The following UBR2 variants were observed in gnomAD, a reference collection of about 807,000 sequenced individuals.
UBR2 encodes ubiquitin protein ligase E3 component n-recognin 2, also known as E3 ubiquitin-protein ligase UBR2.
UBR2 carries 92 observed loss-of-function variants against 247.9 expected under a neutral mutation model. The observed-to-expected ratio is 0.37, with a 90% CI of 0.31 to 0.44. The LOEUF is 0.44. UBR2 is among the 20% of genes least tolerant of loss of function. The probability of loss-of-function intolerance (pLI) is 1.00; values close to 1 mark genes in which losing one functional copy is unlikely to be tolerated. For synonymous variants in UBR2, 672 were observed against 693.5 expected (o/e 0.97, Z 0.49); for missense variants, 1,613 against 2,112.6 (o/e 0.76, Z 4.64).
chr6:42,676,790 T>G lies in UBR2; in HGVS notation c.4395T>G (p.Asn1465Lys). The part of the protein sequence containing the change: ...QILLTSCTEE[N>K]GMDQENPPCE... ...TATTTCCTTATCTTTCAGAAGAGAA[T>G]GGCATGGATCAAGAAAATCCCCCTT... Residue 1465 changes from asparagine (N) to lysine (K), a missense_variant, in exon 40 of 47, where the codon AAT (asparagine) becomes AAG (lysine). Asn to Lys is a moderately conservative substitution (Grantham distance 94, BLOSUM62 0). Around this residue, in one of 3 missense-constraint regions of UBR2, gnomAD observed 1,524 missense variants for 1,967.3 expected, o/e 0.77. Transcript: ENST00000372901. The G allele has an allele frequency of 9.9e-6, 16 of 1,613,652 alleles. No individual in the cohort carries two copies. The highest frequency in any genetic ancestry group is 1.4e-5 in the Non-Finnish European group (16 of 1,179,646).
chr6:42,608,735 T>C (rs1246523356), intron 7 of UBR2, among the ~76,000 whole-genome samples: 1 of 152,240 alleles, frequency 6.6e-6, no homozygotes, highest in Non-Finnish European at 1.5e-5. Context: ...TATCTTATTT[T>C]ATATTTGTTC....
chr6:42,631,719 T>C lies in UBR2; in HGVS notation c.1282-833T>C, dbSNP rs1425397306. Among the ~76,000 whole-genome samples, 4 of 151,018 alleles carry C rather than the reference T, an allele frequency of 2.6e-5. 1 individual carries two copies. Among genetic ancestry groups the C allele is most frequent in the Admixed American group, 2.6e-4 (4 of 15,160 alleles). ...ATATGGGACATTGTCCCATATCAAG[T>C]AAAAAAATGTACAAAACAATATAAT... is the stretch of plus-strand genomic sequence containing the variant. On this transcript the variant is annotated intron_variant, in intron 11 of 46. Coordinates refer to ENST00000372901, the MANE Select transcript of UBR2 (RefSeq NM_001363705.2).
At chr6:42,611,747 A>G (rs953382444) in intron 7 of UBR2, among the ~76,000 whole-genome samples, 6 of 151,642 alleles carry the variant, frequency 4.0e-5, no homozygotes, top group Non-Finnish European at 8.8e-5. Context: ...CTCTACTAAA[A>G]ATACAACAGT....
intron 38 of UBR2, 102 bp downstream of exon 38, chr6:42,674,295 T>G (rs1217581181): frequency 1.9e-6 from 2 of 1,039,062 alleles, no homozygotes; most frequent in Non-Finnish European, 2.8e-6. Context: ...GTTATGTGAT[T>G]TCCTTACCCC....
At chr6:42,611,259 G>A (rs1282685576) in intron 7 of UBR2, among the ~76,000 whole-genome samples, 4 of 150,670 alleles carry the variant, frequency 2.7e-5, no homozygotes, top group African/African-American at 9.7e-5. Context: ...TCAAGAGATC[G>A]AGACCATCCT....
intron 41 of UBR2, among the ~76,000 whole-genome samples, chr6:42,678,893 A>G (rs1798876816): frequency 6.6e-6 from 1 of 152,188 alleles, no homozygotes; most frequent in South Asian, 2.1e-4. Context: ...ATGTTTTTAC[A>G]CCTGCAAAGC....
chr6:42,685,183 C>T (rs569019565), intron 44 of UBR2, among the ~76,000 whole-genome samples: 98 of 151,924 alleles, frequency 6.5e-4, no homozygotes, highest in African/African-American at 2.3e-3. Context: ...TGGTGGCAGG[C>T]GCCTGTAATC....
At chr6:42,582,667 T>G (rs1256332505) in intron 2 of UBR2, among the ~76,000 whole-genome samples, 1 of 152,170 alleles carries the variant, frequency 6.6e-6, no homozygotes, top group African/African-American at 2.4e-5. Flanking sequence ...TAATACAGTA[T>G]GAAATATTTC....
rs766682348 is a variant in UBR2 at position 42,605,847 on chromosome 6, A to G, written c.789A>G (p.Thr263=). The change falls in exon 6 of 47, where the codon ACA becomes ACG. Residue 263 remains threonine (T), a synonymous_variant. Transcript: ENST00000372901. ...TQKEAIGFAT[T]VDRDGRRSVR... is the part of the protein sequence containing the mutation. ...AAGAAGCTATTGGTTTTGCAACTAC[A>G]GTAGATCGAGATGTAAGTAATTTTA... 1.9e-6 allele frequency: 3 copies of G among 1,607,774 alleles called. No homozygotes were observed. The highest frequency in any genetic ancestry group is 1.7e-4 in the Middle Eastern group (1 of 5,974).
At chr6:42,634,732 G>A (rs1406478985) in intron 13 of UBR2, among the ~76,000 whole-genome samples, 1 of 152,250 alleles carries the variant, frequency 6.6e-6, no homozygotes, top group Admixed American at 6.5e-5. Context: ...TGGGATTACA[G>A]GCGTGGGCCA....
chr6:42,662,155 G>T, intron 30 of UBR2, 29 bp from the exon 31 acceptor site: 1 of 1,345,536 alleles, frequency 7.4e-7, no homozygotes, highest in Non-Finnish European at 1.0e-6. Context: ...CTTCACTTTT[G>T]TTTTGTTTTG....
At chr6:42,592,811 C>T (rs1349727239) in intron 3 of UBR2, among the ~76,000 whole-genome samples, 1 of 152,140 alleles carries the variant, frequency 6.6e-6, no homozygotes, top group Non-Finnish European at 1.5e-5. Flanking sequence ...TTCAGGAGCC[C>T]ATCTGGGTCA....
intron 7 of UBR2, among the ~76,000 whole-genome samples, chr6:42,608,931 G>A (rs1793890351): frequency 6.6e-6 from 1 of 152,114 alleles, no homozygotes; most frequent in South Asian, 2.1e-4. Flanking sequence ...ACTTGTTTAA[G>A]AAATTCTTCC....
chr6:42,620,137 G>A (rs1179467112), intron 11 of UBR2: 9 of 578,568 alleles, frequency 1.6e-5, no homozygotes, highest in Admixed American at 6.3e-5. Flanking sequence ...TGTTAATAAC[G>A]TATGAAAGTG....
At chr6:42,675,674 A>G (rs971095397) in intron 38 of UBR2, among the ~76,000 whole-genome samples, 3 of 152,124 alleles carry the variant, frequency 2.0e-5, no homozygotes, top group Admixed American at 1.3e-4. Flanking sequence ...GAAAATGGAA[A>G]TGTGACCAGG....
At chr6:42,641,531 TTATG>T (rs1215070479) in intron 16 of UBR2, 47 bp from the exon 17 acceptor site, 1 of 1,407,900 alleles carries the variant, frequency 7.1e-7, no homozygotes, top group East Asian at 2.4e-5. Flanking sequence ...AGAACTGATT[TTATG>T]TGTGTGTTTT....
Position 42,564,297 on chromosome 6 carries a change from G to A in UBR2, c.-23G>A, listed in dbSNP as rs764150228. ...CTGCAGCTCTCCGGGCGGCGGTAGC[G>A]CTGGGGAGGAGGAGGAGAGAAGATG... On this transcript the variant is annotated 5_prime_UTR_variant, in exon 1 of 47. Transcript: ENST00000372901. 17 of 1,601,386 alleles carry A rather than the reference G, an allele frequency of 1.1e-5. No individual in the cohort carries two copies. Among genetic ancestry groups the A allele is most frequent in the Admixed American group, 3.5e-5 (2 of 57,462 alleles).
intron 2 of UBR2, among the ~76,000 whole-genome samples, chr6:42,587,552 C>T (rs567289224): frequency 5.9e-5 from 9 of 152,040 alleles, no homozygotes; most frequent in Admixed American, 4.6e-4. Flanking sequence ...GAGATGGGGT[C>T]TCACCGTGTT....
intron 4 of UBR2, among the ~76,000 whole-genome samples, chr6:42,601,043 T>C (rs945241809): frequency 6.6e-6 from 1 of 152,208 alleles, no homozygotes; most frequent in Non-Finnish European, 1.5e-5. Flanking sequence ...GTTTGGAAAC[T>C]GTTGGTTAGG....
Sources: allele counts gnomAD v4.1 joint callset (sites outside exome capture counted in the v4.1 genomes callset), GRCh38; gene constraint gnomAD v4.1.1; regional missense constraint gnomAD v4.1.1; transcripts MANE v1.5; gene names NCBI Gene and HGNC (gene_info 2026-07-23, HGNC 2026-07-21).